CHN2: variants seen among roughly 807,000 people sequenced by gnomAD.
CHN2 encodes chimerin 2.
Under a neutral mutation model 56.3 loss-of-function variants are expected in CHN2, and 35 were observed. The observed-to-expected ratio is 0.62, with a 90% confidence interval of 0.47 to 0.82. The LOEUF (loss-of-function observed/expected upper bound fraction) is 0.82. CHN2 is among the 40% of genes least tolerant of loss of function. The probability of loss-of-function intolerance (pLI) is 0.00; values close to 1 mark genes in which losing one functional copy is unlikely to be tolerated. For missense variants in CHN2, 491 were observed against 580.5 expected (o/e 0.85, Z 1.58); for synonymous variants, 210 against 212.8 (o/e 0.99, Z 0.12).
At chr7:29,171,910 A>G (rs1796658311) in intron 2 of CHN2, among the ~76,000 whole-genome samples, 1 of 152,186 alleles carries the variant, frequency 6.6e-6, no homozygotes, top group Non-Finnish European at 1.5e-5. Context: ...GGAAGCCCCC[A>G]ATTCCCATAT....
intron 1 of CHN2, among the ~76,000 whole-genome samples, chr7:29,337,539 A>G (rs917223091): frequency 7.9e-5 from 12 of 152,172 alleles, no homozygotes; most frequent in African/African-American, 2.7e-4. Context: ...CTCTTGCGGA[A>G]ATCATTGGGA....
At chr7:29,151,399 C>G (rs1481536714) in intron 2 of CHN2, among the ~76,000 whole-genome samples, 1 of 152,146 alleles carries the variant, frequency 6.6e-6, no homozygotes, top group African/African-American at 2.4e-5. Flanking sequence ...TTACAAAAGG[C>G]ATATTTTCAG....
intron 1 of CHN2, chr7:29,336,056 A>C (rs998239602): frequency 6.6e-6 from 1 of 152,204 alleles, no homozygotes; most frequent in Non-Finnish European, 1.5e-5. Context: ...CACTGGGGAC[A>C]GTCGTGATGG....
intron 1 of CHN2, among the ~76,000 whole-genome samples, chr7:29,329,780 A>C (rs1190101477): frequency 1.3e-5 from 2 of 152,236 alleles, no homozygotes; most frequent in South Asian, 2.1e-4. Context: ...CTGTACAATA[A>C]AGAAAACATG....
chr7:29,184,063 T>C (rs1798400310), intron 2 of CHN2, among the ~76,000 whole-genome samples: 1 of 151,958 alleles, frequency 6.6e-6, no homozygotes, highest in South Asian at 2.1e-4. Context: ...CTTGGGCATA[T>C]GCAGATTTTG....
chr7:29,507,155 T>TC, intron 10 of CHN2, 73 bp from the exon 11 acceptor site: 1 of 1,410,368 alleles, frequency 7.1e-7, no homozygotes, highest in Non-Finnish European at 9.5e-7. Context: ...GGATTTTTTT[T>TC]TTTTTTCCTT....
At position 29,417,525 on chromosome 7, in the gene CHN2, C is replaced by T. The variant is rs560907642; in HGVS notation, c.576+16697C>T. ...TAATTTTTTGTATTTTTAGTAGAGA[C>T]GGGATTTCACCGTGTTAGCCAAAAG... On this transcript the variant is annotated intron_variant, in intron 6 of 12. Coordinates refer to ENST00000222792, the MANE Select transcript of CHN2 (RefSeq NM_004067.4). Among the ~76,000 whole-genome samples the T allele has an allele frequency of 5.3e-5, 8 of 151,872 alleles. No individual in the cohort carries two copies. The East Asian group carries it at 1.4e-3, about 26-fold the overall frequency.
At chr7:29,195,231 G>C in intron 1 of CHN2, 2 of 438,750 alleles carry the variant, frequency 4.6e-6, no homozygotes, top group East Asian at 3.8e-5. Context: ...GTGCGGACGC[G>C]GGTGTTCCGG....
At chr7:29,186,942 TATTATA>T (rs1227775613) in intron 2 of CHN2, among the ~76,000 whole-genome samples, 1 of 152,180 alleles carries the variant, frequency 6.6e-6, no homozygotes, top group Non-Finnish European at 1.5e-5. Context: ...TTAATTAAGA[TATTATA>T]TAAGTTTTCT....
chr7:29,214,554 A>G (rs1414977949), intron 1 of CHN2, among the ~76,000 whole-genome samples: 1 of 152,160 alleles, frequency 6.6e-6, no homozygotes, highest in African/African-American at 2.4e-5. Flanking sequence ...CAATACTGTA[A>G]TGCTCATCTT....
intron 1 of CHN2, among the ~76,000 whole-genome samples, chr7:29,202,229 T>C (rs1255061581): frequency 1.3e-5 from 2 of 152,234 alleles, no homozygotes; most frequent in African/African-American, 2.4e-5. Flanking sequence ...AGCCGTGTTA[T>C]TTAAAAGAGA....
rs762584500 is a variant in CHN2, at chr7:29,504,783, C to T, written c.953C>T (p.Thr318Ile). The change falls in exon 10 of 13, where the codon ACT (threonine) becomes ATT (isoleucine). Residue 318 changes from threonine to isoleucine, a missense_variant. Physicochemically the swap from Thr to Ile is moderately conservative, Grantham distance 89. Coordinates refer to ENST00000222792, the MANE Select transcript of CHN2 (RefSeq NM_004067.4). Reference protein sequence around the residue: ...SEGLYRVSGFTEHIEDVKMAF... With the variant: ...SEGLYRVSGFIEHIEDVKMAF... The stretch of plus-strand genomic sequence containing the variant: ...GGCCTTTACAGAGTCTCTGGGTTCA[C>T]TGAACACATTGAAGATGTCAAAATG... 5 of 1,613,080 alleles carry T rather than the reference C, an allele frequency of 3.1e-6. No homozygotes were observed. The East Asian group carries it at 6.7e-5, about 22-fold the overall frequency.
At chr7:29,326,912 A>G (rs1471593591) in intron 1 of CHN2, among the ~76,000 whole-genome samples, 5 of 152,208 alleles carry the variant, frequency 3.3e-5, no homozygotes, top group East Asian at 1.9e-4. Flanking sequence ...GGTTACCTCA[A>G]TTAACCCTTA....
In CHN2 at chr7:29,504,828, T is replaced by C. The variant is rs764289268; in HGVS notation, c.991+7T>C. On this transcript the variant is annotated splice_region_variant and intron_variant, in intron 10 of 12. Transcript: ENST00000222792. The stretch of plus-strand genomic sequence containing the variant: ...AAAATGGCATTTGACAGAGGTAAGC[T>C]TGTACTTTCTTGAATGCCATCTGAC... 5.6e-6 allele frequency: 9 copies of C among 1,600,798 alleles called. No homozygotes were observed. Among genetic ancestry groups the C allele is most frequent in the South Asian group, 5.5e-5 (5 of 90,688 alleles).
intron 2 of CHN2, among the ~76,000 whole-genome samples, chr7:29,168,867 C>G (rs1044002161): frequency 6.6e-6 from 1 of 152,216 alleles, no homozygotes; most frequent in Non-Finnish European, 1.5e-5. Flanking sequence ...TGCGTGTTTA[C>G]CACTATCCAT....
chr7:29,159,388 T>C (rs993562673), intron 2 of CHN2, among the ~76,000 whole-genome samples: 1 of 152,208 alleles, frequency 6.6e-6, no homozygotes, highest in African/African-American at 2.4e-5. Flanking sequence ...GTGGGATGAA[T>C]TATTCTATAC....
chr7:29,480,204 G>A (rs756130664), intron 6 of CHN2, 75 bp from the exon 7 acceptor site: 19 of 1,613,318 alleles, frequency 1.2e-5, no homozygotes, highest in East Asian at 2.2e-5. Context: ...ACTGCTGGCC[G>A]TAGCCTTCGG....
chr7:29,211,068 T>TTTG (rs1554363856), intron 1 of CHN2, among the ~76,000 whole-genome samples: 13,614 of 147,310 alleles, frequency 0.092, 683 homozygotes, highest in South Asian at 0.14. Flanking sequence ...TGTTTTTTTT[T>TTTG]TTGTTGTTGT....
At chr7:29,273,600 T>A (rs1207318151) in intron 1 of CHN2, among the ~76,000 whole-genome samples, 1 of 151,798 alleles carries the variant, frequency 6.6e-6, no homozygotes, top group East Asian at 1.9e-4. Context: ...CTCTCTGTAC[T>A]GTTATCCATG....
Sources: gnomAD v4.1 joint callset for allele counts (sites outside exome capture counted in the v4.1 genomes callset) on GRCh38, gnomAD v4.1.1 for gene constraint, MANE v1.5 for transcripts, NCBI Gene and HGNC (gene_info 2026-07-23, HGNC 2026-07-21) for gene names.